Variants in ARFGEF1 observed in about 807,000 individuals in gnomAD.
The protein encoded by ARFGEF1 is ARF guanine nucleotide exchange factor 1, also known as brefeldin A-inhibited guanine nucleotide-exchange protein 1.
ARFGEF1 carries 42 observed loss-of-function variants against 231.0 expected under a neutral mutation model. That is an observed-to-expected ratio of 0.18 (90% CI 0.14 to 0.24). The LOEUF (loss-of-function observed/expected upper bound fraction) is 0.24. Among genes scored for constraint, ARFGEF1 ranks in the 10% least tolerant of loss-of-function variants. The pLI is 1.00. For synonymous variants in ARFGEF1, 710 were observed against 732.3 expected, an observed-to-expected ratio of 0.97 and a Z score of 0.49; for missense variants, 1,345 against 2,192.0, an observed-to-expected ratio of 0.61 and a Z score of 7.72.
chr8:67,199,180 G>A, intron 38 of ARFGEF1, 82 bp from the exon 39 acceptor site: 2 of 1,505,186 alleles, frequency 1.3e-6, no homozygotes, highest in Non-Finnish European at 1.8e-6. Flanking sequence ...CTACTCTGGG[G>A]CTCCATCACA....
Position 67,259,802 on chromosome 8 carries a change from A to C in ARFGEF1, c.2235+13T>G. The C allele has an allele frequency of 5.2e-6, 8 of 1,527,480 alleles. No homozygotes were observed. The highest frequency in any genetic ancestry group is 1.4e-5 in the African/African-American group (1 of 71,630). The allele number at this position is 1,527,480 out of a possible 1,614,324, so 94.6% of individuals were successfully genotyped here. A position where few individuals can be genotyped will look rare whatever the true frequency, so the allele number is the denominator to read the frequency against. ...TTTTACAGAAAAGGTTAGAATGAAA[A>C]TGGTATTCTTACAGAGTCTAATCTT... On this transcript the variant is annotated intron_variant, in intron 15 of 38. Coordinates refer to ENST00000262215, the MANE Select transcript of ARFGEF1 (RefSeq NM_006421.5).
intron 5 of ARFGEF1, among the ~76,000 whole-genome samples, chr8:67,178,501 A>G (rs148278220): frequency 7.2e-5 from 11 of 152,354 alleles, no homozygotes; most frequent in African/African-American, 2.6e-4. Context: ...AGGGAGAGAC[A>G]GTAATCAAAT....
At chr8:67,222,178 T>TACACATATATATATATATATATATATAC (rs1273047627) in intron 29 of ARFGEF1, among the ~76,000 whole-genome samples, 2 of 112,460 alleles carry the variant, frequency 1.8e-5, no homozygotes, top group Non-Finnish European at 1.8e-5. Flanking sequence ...TATATATATA[T>TACACATATATATATATATATATATATAC]ACACATATAT....
intron 1 of ARFGEF1, among the ~76,000 whole-genome samples, chr8:67,305,264 G>A (rs896969655): frequency 1.3e-5 from 2 of 152,062 alleles, no homozygotes; most frequent in Non-Finnish European, 2.9e-5. Context: ...TGCAGCCCAC[G>A]AGTGGAAGAA....
chr8:67,231,311 A>G (rs928138970), intron 23 of ARFGEF1, among the ~76,000 whole-genome samples: 1 of 152,148 alleles, frequency 6.6e-6, no homozygotes, highest in African/African-American at 2.4e-5. Context: ...AAAAACTTGC[A>G]ATACTGAGGT....
At position 67,302,459 on chromosome 8, in the gene ARFGEF1, T is replaced by G; in HGVS notation, c.132A>C (p.Ile44=). The change falls in exon 2 of 39, where the codon ATA becomes ATC. Residue 44 remains isoleucine (I), a synonymous_variant. Coordinates refer to ENST00000262215, the MANE Select transcript of ARFGEF1 (RefSeq NM_006421.5). ...ACCTCTGTTTTTCAGTTTCCGCTTT[T>G]ATTTCCTCTGAGGGGAAAAAAAAAG... ...RKACEVALEE[I]KAETEKQSPP... The G allele has an allele frequency of 6.4e-7, 1 of 1,572,102 alleles. No homozygotes were observed. The highest frequency in any genetic ancestry group is 8.6e-7 in the Non-Finnish European group (1 of 1,163,404).
At chr8:67,224,040 G>A (rs1839290716) in intron 29 of ARFGEF1, among the ~76,000 whole-genome samples, 1 of 152,130 alleles carries the variant, frequency 6.6e-6, no homozygotes, top group Non-Finnish European at 1.5e-5. Context: ...TGGGATATAA[G>A]TCAAATTTAA....
chr8:67,210,372 C>G (rs542765613), intron 34 of ARFGEF1, among the ~76,000 whole-genome samples: 126 of 151,468 alleles, frequency 8.3e-4, no homozygotes, highest in Middle Eastern at 6.8e-3. Context: ...CCCAGCTACT[C>G]GGGAGGCTAA....
intron 4 of ARFGEF1, among the ~76,000 whole-genome samples, chr8:67,298,228 C>T (rs1228425471): frequency 1.3e-5 from 2 of 151,940 alleles, no homozygotes; most frequent in Admixed American, 6.6e-5. Flanking sequence ...CACGTAAAAA[C>T]AATTTCAAAA....
chr8:67,216,570 C>G lies in ARFGEF1; in HGVS notation c.4686+20G>C. The G allele has an allele frequency of 6.3e-7, 1 of 1,585,004 alleles. No homozygotes were observed. The highest frequency in any genetic ancestry group is 8.6e-7 in the Non-Finnish European group (1 of 1,167,482). On this transcript the variant is annotated intron_variant, in intron 33 of 38. Coordinates refer to ENST00000262215, the MANE Select transcript of ARFGEF1 (RefSeq NM_006421.5). ...ATCACAAATAACTAATTTCAATATA[C>G]TTTACTGATTAAAACTTACCAATGG...
intron 1 of ARFGEF1, among the ~76,000 whole-genome samples, chr8:67,312,380 T>C (rs1396117981): frequency 1.3e-5 from 2 of 152,092 alleles, no homozygotes; most frequent in African/African-American, 2.4e-5. Flanking sequence ...GGACTTCTTA[T>C]TGGACACCAT....
In ARFGEF1 at chr8:67,202,975, GT is replaced by G. The variant is rs1227014851; in HGVS notation, c.5128+107del. ...TACTGTTAAGGTCAGAGTACATATA[GT>G]GACATGCACAGACCTATAGCAGACA... On this transcript the variant is annotated intron_variant, in intron 36 of 38. Coordinates refer to ENST00000262215, the MANE Select transcript of ARFGEF1 (RefSeq NM_006421.5). The G allele has an allele frequency of 2.4e-5, 28 of 1,151,938 alleles. No individual in the cohort carries two copies. In the South Asian group the frequency reaches 3.4e-4, roughly 14 times the overall value. 71.4% of individuals were successfully genotyped at this position (1,151,938 alleles called of 1,614,324 possible).
In ARFGEF1 at chr8:67,343,378, A is replaced by G. The variant is rs1441240685; in HGVS notation, c.-91T>C. The G allele has an allele frequency of 1.6e-6, 2 of 1,290,156 alleles. No homozygotes were observed. Among genetic ancestry groups the G allele is most frequent in the Non-Finnish European group, 2.1e-6 (2 of 971,194 alleles). The allele number at this position is 1,290,156 out of a possible 1,614,324, so 79.9% of individuals were successfully genotyped here. A position where few individuals can be genotyped will look rare whatever the true frequency, so the allele number is the denominator to read the frequency against. On this transcript the variant is annotated 5_prime_UTR_variant, in exon 1 of 39. Transcript: ENST00000262215. ...GGAGAGGAAGGAAGAGAAGAGAGAA[A>G]GGAGAGGGGGTGGAGGTGGGGGATT... is the stretch of plus-strand genomic sequence containing the variant.
At chr8:67,289,549 C>CAAAAAAAAAAAAA (rs552601455) in intron 6 of ARFGEF1, among the ~76,000 whole-genome samples, 3 of 44,846 alleles carry the variant, frequency 6.7e-5, no homozygotes, top group African/African-American at 2.1e-4. Context: ...ACTCTGTATC[C>CAAAAAAAAAAAAA]AAAAAAAAAA....
At chr8:67,302,338 G>C in intron 2 of ARFGEF1, 98 bp downstream of exon 2, 1 of 783,580 alleles carries the variant, frequency 1.3e-6, no homozygotes, top group Non-Finnish European at 1.9e-6. Flanking sequence ...CTCACATGCA[G>C]AGAATTTGCC....
chr8:67,246,311 A>G (rs2128882061), intron 19 of ARFGEF1, among the ~76,000 whole-genome samples: 1 of 150,752 alleles, frequency 6.6e-6, no homozygotes, highest in African/African-American at 2.5e-5. Flanking sequence ...TAGCATACAC[A>G]TTCTTTTCCT....
At chr8:67,267,022 T>A (rs746495797) in intron 12 of ARFGEF1, 38 bp from the exon 13 acceptor site, 2 of 1,609,826 alleles carry the variant, frequency 1.2e-6, no homozygotes, top group Non-Finnish European at 1.7e-6. Flanking sequence ...TTTTTAAAGG[T>A]CTTTTAAGGA....
At chr8:67,321,162 T>TG (rs891681402) in intron 1 of ARFGEF1, among the ~76,000 whole-genome samples, 1,046 of 62,306 alleles carry the variant, frequency 0.017, 12 homozygotes, top group Admixed American at 0.097. Context: ...ACTATAAGTA[T>TG]GGGGGGGGGT....
At position 67,343,620 on chromosome 8, in the gene ARFGEF1, G is replaced by T; in HGVS notation, c.-333C>A. 1 of 1,037,332 alleles carries T rather than the reference G, an allele frequency of 9.6e-7. No individual in the cohort carries two copies. Among genetic ancestry groups the T allele is most frequent in the Non-Finnish European group, 1.2e-6 (1 of 864,266 alleles). 64.3% of individuals were successfully genotyped at this position (1,037,332 alleles called of 1,614,324 possible). A position where few individuals can be genotyped will look rare whatever the true frequency, so the allele number is the denominator to read the frequency against. On this transcript the variant is annotated 5_prime_UTR_variant, in exon 1 of 39. Transcript: ENST00000262215. ...TGGTGGCGGTGAGGGAGCCCGGCCC[G>T]GGCGGCTGTCTGCCGGGAACTGAGG...
Sources: gnomAD v4.1 joint callset for allele counts (sites outside exome capture counted in the v4.1 genomes callset) on GRCh38, gnomAD v4.1.1 for gene constraint, MANE v1.5 for transcripts, NCBI Gene and HGNC (gene_info 2026-07-23, HGNC 2026-07-21) for gene names.